The following PLCH1 variants were observed in gnomAD, a reference collection of about 807,000 sequenced individuals.
PLCH1 encodes the protein 1-phosphatidylinositol 4,5-bisphosphate phosphodiesterase eta-1.
PLCH1 carries 60 observed loss-of-function variants against 126.7 expected under a neutral mutation model. The ratio of observed to expected loss-of-function variants is 0.47; its 90% CI spans 0.38 to 0.59. The LOEUF is 0.59. Ranked by LOEUF, PLCH1 falls within the 20% of genes least tolerant of loss-of-function variation. The pLI is 0.00. For missense variants in PLCH1, 1,723 were observed against 2,040.0 expected, an observed-to-expected ratio of 0.84 and a Z score of 2.99; for synonymous variants, 719 against 734.9, an observed-to-expected ratio of 0.98 and a Z score of 0.35.
intron 10 of PLCH1, among the ~76,000 whole-genome samples, chr3:155,543,830 G>A (rs1323481144): frequency 6.6e-6 from 1 of 150,760 alleles, no homozygotes; most frequent in Non-Finnish European, 1.5e-5. Context: ...TTACAGACAA[G>A]CAAATGCTGA....
Position 155,488,771 on chromosome 3 carries a change from T to C in PLCH1, c.2428A>G (p.Thr810Ala). The change falls in exon 20 of 23, where the codon ACA (threonine) becomes GCA (alanine). Residue 810 changes from threonine (T) to alanine (A), a missense_variant. Thr to Ala is a moderately conservative substitution (Grantham distance 58). Around this residue, in one of 2 missense-constraint regions of PLCH1, gnomAD observed 776 missense variants for 1,062.9 expected, o/e 0.73. Coordinates refer to ENST00000460012, the MANE Select transcript of PLCH1 (RefSeq NM_014996.4). ...NPVWEETLTF[T>A]VHMPEIALVR... Reference sequence around the variant, plus strand: ...AAAGCTATTTCTGGCATGTGTACTGTAAATGTCAGTGTTTCTTCCCACACA... The same window carrying C: ...AAAGCTATTTCTGGCATGTGTACTGCAAATGTCAGTGTTTCTTCCCACACA... The C allele has an allele frequency of 6.2e-7, 1 of 1,613,424 alleles. No homozygotes were observed.
chr3:155,476,317 C>A (rs1398784534), downstream of PLCH1, among the ~76,000 whole-genome samples: 2 of 152,060 alleles, frequency 1.3e-5, no homozygotes, highest in African/African-American at 4.8e-5. Context: ...TCATATACAA[C>A]AGACCCACAG....
At chr3:155,582,113 G>A (rs1173801444) in intron 6 of PLCH1, among the ~76,000 whole-genome samples, 4 of 110,850 alleles carry the variant, frequency 3.6e-5, no homozygotes, top group African/African-American at 7.2e-5. Flanking sequence ...GTGGAGTCTC[G>A]CTCTGCCGCC....
In PLCH1 at chr3:155,481,693, T is replaced by C; in HGVS notation, c.4333A>G (p.Lys1445Glu). ...TGGGGCACACAGGTCTGGAACATTT[T>C]TGCATCTGAATCTGAGAAATGATTA... ...VHNHFSDSDA[K>E]MFQTCVPQQS... The change falls in exon 23 of 23, where the codon AAA becomes GAA. Residue 1445 changes from lysine (K) to glutamate (E), a missense_variant. Around this residue, in one of 2 missense-constraint regions of PLCH1, gnomAD observed 947 missense variants for 977.1 expected, o/e 0.97. Coordinates refer to ENST00000460012, the MANE Select transcript of PLCH1 (RefSeq NM_014996.4). This position sits in a 1 kb window ranked among gnomAD's most constrained non-coding sequence, Gnocchi z 4.2. 1 of 1,614,170 alleles carries C rather than the reference T, an allele frequency of 6.2e-7. No homozygotes were observed. Among genetic ancestry groups the C allele is most frequent in the Non-Finnish European group, 8.5e-7 (1 of 1,180,028 alleles).
At chr3:155,658,485 A>T (rs1741703974) in intron 2 of PLCH1, 1 of 154,530 alleles carries the variant, frequency 6.5e-6, no homozygotes, top group East Asian at 1.8e-4. Flanking sequence ...AAAAAGAGAA[A>T]TACGAGATTA....
chr3:155,469,488 GA>G (rs1713080259), intron 21 of PLCH1, among the ~76,000 whole-genome samples: 1 of 150,698 alleles, frequency 6.6e-6, no homozygotes, highest in Non-Finnish European at 1.5e-5. Context: ...AGGCGGCAGC[GA>G]GGCTGGGGGA....
chr3:155,568,234 C>A lies in PLCH1; in HGVS notation c.862G>T (p.Glu288Ter). ...ENKVKNVLGI[E>*]GFTNFMRSPA... Reference sequence around the variant, plus strand: ...TAAAGAATATTGGTTATTTTACCTTCTATGCCAAGAACATTTTTCACCTTA... The same window carrying A: ...TAAAGAATATTGGTTATTTTACCTTATATGCCAAGAACATTTTTCACCTTA... The change falls in exon 7 of 23, where the codon GAA (glutamate) becomes TAA (stop). Residue 288 changes from glutamate to a stop codon, truncating the protein, a stop_gained. Coordinates refer to ENST00000460012, the MANE Select transcript of PLCH1 (RefSeq NM_014996.4). LOFTEE classifies it high-confidence loss of function. 7.6e-7 allele frequency: 1 copy of A among 1,316,514 alleles called. No homozygotes were observed. The highest frequency in any genetic ancestry group is 1.1e-6 in the Non-Finnish European group (1 of 912,324). The allele number at this position is 1,316,514 out of a possible 1,614,324, so 81.6% of individuals were successfully genotyped here.
chr3:155,591,354 A>G (rs576853645), intron 4 of PLCH1, among the ~76,000 whole-genome samples: 2 of 152,214 alleles, frequency 1.3e-5, no homozygotes, highest in East Asian at 3.9e-4. Flanking sequence ...GTTTGATGCA[A>G]CTGTCCTCAA....
intron 21 of PLCH1, among the ~76,000 whole-genome samples, chr3:155,463,024 C>T (rs1712786990): frequency 1.3e-5 from 2 of 152,194 alleles, no homozygotes; most frequent in Non-Finnish European, 2.9e-5. Flanking sequence ...GCAGTCTTTT[C>T]GTATGGCTAC....
intron 21 of PLCH1, among the ~76,000 whole-genome samples, chr3:155,471,983 C>T (rs1713272894): frequency 6.6e-6 from 1 of 151,938 alleles, no homozygotes; most frequent in Non-Finnish European, 1.5e-5. Context: ...CAGGAAAGAT[C>T]CAAAATTGAC....
rs1206459986 is a variant in PLCH1 at position 155,725,478 on chromosome 3, C to A, written c.-41+19362G>T. On this transcript the variant is annotated intron_variant, in intron 1 of 22. Coordinates refer to ENST00000460012, the MANE Select transcript of PLCH1 (RefSeq NM_014996.4). ...TTTTTTTTTTTTTGAGACAGAGTCT[C>A]ACTCTGTCCCCCAGGCTGGAGTACG... Among the ~76,000 whole-genome samples, 3 of 144,504 alleles carry A rather than the reference C, an allele frequency of 2.1e-5. No individual in the cohort carries two copies. The South Asian group carries it at 6.7e-4, about 32-fold the overall frequency. 94.8% of individuals were successfully genotyped at this position (144,504 alleles called of 152,430 possible). A position where few individuals can be genotyped will look rare whatever the true frequency, so the allele number is the denominator to read the frequency against.
At chr3:155,652,880 T>G (rs968274973) in intron 2 of PLCH1, among the ~76,000 whole-genome samples, 1 of 152,130 alleles carries the variant, frequency 6.6e-6, no homozygotes, top group African/African-American at 2.4e-5. Flanking sequence ...ACACTACACT[T>G]TGGCAGTTTT....
At chr3:155,692,715 C>T (rs1745488279) in intron 2 of PLCH1, among the ~76,000 whole-genome samples, 1 of 152,124 alleles carries the variant, frequency 6.6e-6, no homozygotes, top group African/African-American at 2.4e-5. Context: ...GCCTCATTCT[C>T]CTCATTAGCG....
At chr3:155,541,300 A>G (rs1724196244) in intron 10 of PLCH1, among the ~76,000 whole-genome samples, 2 of 152,214 alleles carry the variant, frequency 1.3e-5, no homozygotes, top group Non-Finnish European at 2.9e-5. Context: ...TGCTGAGGTG[A>G]CAGGTGCACC....
intron 1 of PLCH1, among the ~76,000 whole-genome samples, chr3:155,704,998 A>G (rs1202427610): frequency 1.3e-5 from 2 of 152,246 alleles, no homozygotes; most frequent in African/African-American, 4.8e-5. Flanking sequence ...GCTGACGTGC[A>G]TAACCCTGAA....
At position 155,502,698 on chromosome 3, in the gene PLCH1, T is replaced by C. The variant is rs1718080436; in HGVS notation, c.1704+1857A>G. On this transcript the variant is annotated intron_variant, in intron 13 of 22. Transcript: ENST00000460012. ...TTGACACATCTTTTCATGGTTATCATACCATAGAATCTACTTCTCATCTTA... is the reference window on the plus strand; with the variant it reads ...TTGACACATCTTTTCATGGTTATCACACCATAGAATCTACTTCTCATCTTA... 2.6e-5 allele frequency among the ~76,000 whole-genome samples: 4 copies of C among 152,234 alleles called. No individual in the cohort carries two copies. In the South Asian group the frequency reaches 8.3e-4, roughly 32 times the overall value.
chr3:155,580,924 G>T (rs2108583277), intron 6 of PLCH1, among the ~76,000 whole-genome samples: 1 of 152,184 alleles, frequency 6.6e-6, no homozygotes, highest in South Asian at 2.1e-4. Context: ...GGTAGGTTTT[G>T]TCCACTACAA....
intron 2 of PLCH1, among the ~76,000 whole-genome samples, chr3:155,668,084 CAAAAAAA>C (rs756879174): frequency 7.9e-5 from 3 of 38,006 alleles, no homozygotes; most frequent in African/African-American, 2.3e-4. Context: ...GACTCCATCT[CAAAAAAA>C]AAAAAAAAAA....
rs546555378 is a variant in PLCH1 at position 155,583,914 on chromosome 3, TA to T, written c.601-273del. 5.4e-3 allele frequency among the ~76,000 whole-genome samples: 737 copies of T among 136,442 alleles called. 4 individuals carry two copies. Among genetic ancestry groups the T allele is most frequent in the South Asian group, 0.027 (119 of 4,336 alleles). 89.5% of individuals were successfully genotyped at this position (136,442 alleles called of 152,430 possible). A position where few individuals can be genotyped will look rare whatever the true frequency, so the allele number is the denominator to read the frequency against. On this transcript the variant is annotated intron_variant, in intron 5 of 22. Coordinates refer to ENST00000460012, the MANE Select transcript of PLCH1 (RefSeq NM_014996.4). ...AATTTATAAATCAACAAAGAAACCT[TA>T]AAAAAAAAAAAACCTGTAGAAACAA... is the stretch of plus-strand genomic sequence containing the variant.
Sources: allele counts gnomAD v4.1 joint callset (sites outside exome capture counted in the v4.1 genomes callset), GRCh38; gene constraint gnomAD v4.1.1; regional missense constraint gnomAD v4.1.1; non-coding constraint Gnocchi (gnomAD v3.1); transcripts MANE v1.5; gene names NCBI Gene and HGNC (gene_info 2026-07-23, HGNC 2026-07-21).